CPED1: variants seen among roughly 807,000 people sequenced by gnomAD.
The protein encoded by CPED1 is cadherin-like and PC-esterase domain-containing protein 1.
In CPED1, 114 loss-of-function variants were observed where a neutral mutation model predicts 128.2. The observed-to-expected ratio is 0.89, with a 90% confidence interval of 0.76 to 1.04. CPED1 has a LOEUF of 1.04. CPED1 is among the 50% of genes least tolerant of loss of function. The pLI is 0.00. For missense variants in CPED1, 1,211 were observed against 1,207.1 expected, an observed-to-expected ratio of 1.00 and a Z score of -0.05; for synonymous variants, 462 against 426.7, an observed-to-expected ratio of 1.08 and a Z score of -1.02.
chr7:121,131,607 T>C (rs1173012112), intron 12 of CPED1, among the ~76,000 whole-genome samples: 2 of 151,822 alleles, frequency 1.3e-5, no homozygotes, highest in African/African-American at 4.8e-5. Flanking sequence ...GGTTAAGCAG[T>C]GTTCTGATCT....
chr7:121,295,051 T>C (rs1217224209), intron 22 of CPED1, among the ~76,000 whole-genome samples: 1 of 152,100 alleles, frequency 6.6e-6, no homozygotes, highest in East Asian at 1.9e-4. Flanking sequence ...TAGGGTACCA[T>C]GTTTGAATCA....
At chr7:121,049,522 C>T (rs146033990) in intron 4 of CPED1, among the ~76,000 whole-genome samples, 1,688 of 152,314 alleles carry the variant, frequency 0.011, 19 homozygotes, top group Middle Eastern at 0.048. Flanking sequence ...TGTGATGCCA[C>T]CCACAAACGT....
Position 121,128,312 on chromosome 7 carries a change from G to T in CPED1, c.1303-70G>T, listed in dbSNP as rs1795557412. 3.8e-6 allele frequency: 3 copies of T among 780,510 alleles called. No homozygotes were observed. The South Asian group carries it at 4.5e-5, about 12-fold the overall frequency. 48.3% of individuals were successfully genotyped at this position (780,510 alleles called of 1,614,324 possible). On this transcript the variant is annotated intron_variant, in intron 10 of 22. Coordinates refer to ENST00000310396, the MANE Select transcript of CPED1 (RefSeq NM_024913.5). ...CAAAATCTGATTGGTTGATGAAATG[G>T]GAGGTAATTGGGTTGAACATGGTTT...
intron 16 of CPED1, among the ~76,000 whole-genome samples, chr7:121,166,927 C>T (rs563504422): frequency 4.6e-4 from 70 of 152,194 alleles, no homozygotes; most frequent in Non-Finnish European, 8.8e-4. Flanking sequence ...GAAAAGAGTG[C>T]GTCTGGTGTT....
intron 9 of CPED1, 88 bp from the exon 10 acceptor site, chr7:121,127,002 C>A: frequency 4.0e-6 from 4 of 1,004,560 alleles, no homozygotes; most frequent in Non-Finnish European, 5.7e-6. Flanking sequence ...TATAATCCAA[C>A]AGGAAATAAA....
At chr7:121,230,894 A>C (rs1275287935) in intron 16 of CPED1, among the ~76,000 whole-genome samples, 1 of 151,994 alleles carries the variant, frequency 6.6e-6, no homozygotes, top group African/African-American at 2.4e-5. Context: ...GTGGGTTTTG[A>C]CTCAACCTAT....
At chr7:121,135,867 T>C (rs1795772806) in intron 13 of CPED1, among the ~76,000 whole-genome samples, 173 bp from the exon 14 acceptor site, 2 of 152,048 alleles carry the variant, frequency 1.3e-5, no homozygotes, top group South Asian at 4.1e-4. Context: ...TTCTGAGCTC[T>C]GAATAAAATA....
chr7:121,295,147 A>ACACACACACACG (rs1373770734), intron 22 of CPED1, among the ~76,000 whole-genome samples: 2 of 149,516 alleles, frequency 1.3e-5, no homozygotes, highest in African/African-American at 5.0e-5. Context: ...GAAAACACAC[A>ACACACACACACG]CACACACACA....
chr7:121,224,656 A>C (rs1219199406), intron 16 of CPED1, among the ~76,000 whole-genome samples: 3 of 152,100 alleles, frequency 2.0e-5, no homozygotes, highest in Admixed American at 6.6e-5. Flanking sequence ...TATTGGGTGC[A>C]TATATATTTA....
chr7:121,203,272 C>A (rs1416063182), intron 16 of CPED1, among the ~76,000 whole-genome samples: 2 of 152,090 alleles, frequency 1.3e-5, no homozygotes, highest in Non-Finnish European at 2.9e-5. Context: ...GCTAATCCCT[C>A]CACTTTCCTC....
chr7:121,031,884 A>G (rs1358154482), intron 3 of CPED1, among the ~76,000 whole-genome samples: 3 of 152,342 alleles, frequency 2.0e-5, no homozygotes, highest in African/African-American at 7.2e-5. Context: ...TGACAAAATG[A>G]AGAATAGATG....
At chr7:121,041,813 A>T (rs1443295641) in intron 3 of CPED1, among the ~76,000 whole-genome samples, 1 of 152,162 alleles carries the variant, frequency 6.6e-6, no homozygotes, top group African/African-American at 2.4e-5. Flanking sequence ...AAGGATAAAA[A>T]CTATAGTCAG....
chr7:121,263,856 G>C (rs12535821), intron 18 of CPED1, among the ~76,000 whole-genome samples: 2,388 of 152,032 alleles, frequency 0.016, 67 homozygotes, highest in African/African-American at 0.054. Flanking sequence ...ACCCACACTG[G>C]CAATTTAGTT....
chr7:121,241,661 G>A (rs1798400252), intron 17 of CPED1, among the ~76,000 whole-genome samples: 1 of 151,932 alleles, frequency 6.6e-6, no homozygotes, highest in South Asian at 2.1e-4. Flanking sequence ...AATCTTATCT[G>A]TCCCTAAAGG....
intron 18 of CPED1, among the ~76,000 whole-genome samples, chr7:121,260,072 A>T (rs1791976168): frequency 6.6e-6 from 1 of 151,564 alleles, no homozygotes; most frequent in African/African-American, 2.4e-5. Context: ...CCTCACTCTT[A>T]CCAGGAAATG....
chr7:121,208,694 G>T (rs144874598), intron 16 of CPED1, among the ~76,000 whole-genome samples: 1 of 151,866 alleles, frequency 6.6e-6, no homozygotes, highest in Non-Finnish European at 1.5e-5. Flanking sequence ...TCTTGTCATC[G>T]TGCCACCCTT....
chr7:121,226,777 GATAGATTATCATTAATTATTTATTGCTA>G (rs1443355113), intron 16 of CPED1, among the ~76,000 whole-genome samples: 1 of 152,018 alleles, frequency 6.6e-6, no homozygotes, highest in Admixed American at 6.6e-5. Flanking sequence ...GGTGACTTTA[GATAGATTATCATTAATTATTTATTGCTA>G]ATGTAAACAT....
At chr7:121,116,868 T>C (rs1795246630) in intron 7 of CPED1, among the ~76,000 whole-genome samples, 1 of 151,418 alleles carries the variant, frequency 6.6e-6, no homozygotes, top group Admixed American at 6.6e-5. Context: ...GCAGTGCATG[T>C]AAAATGCACA....
At chr7:121,168,343 T>C (rs1362059867) in intron 16 of CPED1, among the ~76,000 whole-genome samples, 1 of 152,242 alleles carries the variant, frequency 6.6e-6, no homozygotes, top group East Asian at 1.9e-4. Flanking sequence ...ATTTTAAAAG[T>C]AGTCTTCTCT....
Sources: allele counts gnomAD v4.1 joint callset (sites outside exome capture counted in the v4.1 genomes callset), GRCh38; gene constraint gnomAD v4.1.1; transcripts MANE v1.5; gene names NCBI Gene and HGNC (gene_info 2026-07-23, HGNC 2026-07-21).